The following CLEC4A variants were observed in gnomAD, a reference collection of about 807,000 sequenced individuals.
CLEC4A encodes the protein C-type (calcium dependent, carbohydrate-recognition domain) lectin, superfamily member 6.
A neutral mutation model predicts 32.7 loss-of-function variants in CLEC4A; 27 were observed. The observed-to-expected ratio is 0.83, with a 90% confidence interval of 0.61 to 1.14. The LOEUF is 1.14. Ranked by LOEUF, CLEC4A falls within the 50% of genes most tolerant of loss-of-function variation. The pLI is 0.00. For synonymous variants in CLEC4A, 89 were observed against 93.7 expected, an observed-to-expected ratio of 0.95 and a Z score of 0.29; for missense variants, 253 against 274.6, an observed-to-expected ratio of 0.92 and a Z score of 0.55.
At chr12:8,124,948 AT>A (rs1298861320) in intron 1 of CLEC4A, among the ~76,000 whole-genome samples, 4 of 152,092 alleles carry the variant, frequency 2.6e-5, no homozygotes, top group South Asian at 4.1e-4. Flanking sequence ...ATAATACTGA[AT>A]TTTTTTCCCC....
chr12:8,126,097 G>A (rs903702560), intron 2 of CLEC4A, among the ~76,000 whole-genome samples: 1 of 152,192 alleles, frequency 6.6e-6, no homozygotes, highest in South Asian at 2.1e-4. Flanking sequence ...AATATTTCAG[G>A]AAGAGTTCTC....
chr12:8,124,586 G>A (rs1053288572), intron 1 of CLEC4A, among the ~76,000 whole-genome samples: 3 of 152,148 alleles, frequency 2.0e-5, no homozygotes, highest in African/African-American at 7.2e-5. Flanking sequence ...TGATTTGGGT[G>A]TCATGTGTGA....
the CLEC4A span, among the ~76,000 whole-genome samples, chr12:8,106,934 G>A: frequency 6.6e-6 from 1 of 152,132 alleles, no homozygotes; most frequent in East Asian, 1.9e-4. Context: ...GTGAGAGTAG[G>A]TATCCGTGTC....
chr12:8,137,532 A>G (rs1006734825), intron 5 of CLEC4A, among the ~76,000 whole-genome samples: 2 of 152,246 alleles, frequency 1.3e-5, no homozygotes, highest in African/African-American at 2.4e-5. Context: ...TTAATTGCAT[A>G]AATTACATAC....
Position 8,138,456 on chromosome 12 carries a change from T to A in CLEC4A, c.*169T>A. On this transcript the variant is annotated 3_prime_UTR_variant, in exon 6 of 6. Transcript: ENST00000229332. ...GTACATTGACTGATTCACTTTTTCA[T>A]AAAGTGAGCATTTATTGAGCATTTT... is the stretch of plus-strand genomic sequence containing the variant. 1.3e-6 allele frequency: 1 copy of A among 786,632 alleles called. No individual in the cohort carries two copies. Among genetic ancestry groups the A allele is most frequent in the Non-Finnish European group, 2.0e-6 (1 of 508,750 alleles). 48.7% of individuals were successfully genotyped at this position (786,632 alleles called of 1,614,324 possible).
the CLEC4A span, among the ~76,000 whole-genome samples, chr12:8,104,429 T>C: frequency 3.9e-5 from 6 of 152,194 alleles, no homozygotes; most frequent in Admixed American, 1.3e-4. Flanking sequence ...ATCAAGCCAT[T>C]TGGGTGCTTC....
At chr12:8,128,620 A>G (rs967186844) in intron 2 of CLEC4A, among the ~76,000 whole-genome samples, 1 of 152,068 alleles carries the variant, frequency 6.6e-6, no homozygotes, top group Non-Finnish European at 1.5e-5. Context: ...CATCTTGGCC[A>G]GGCTAGTCTC....
the CLEC4A span, among the ~76,000 whole-genome samples, chr12:8,118,562 C>T: frequency 7.9e-5 from 12 of 152,264 alleles, no homozygotes; most frequent in South Asian, 2.1e-4. Context: ...GCACTTCACA[C>T]GACCAGAGCA....
intron 3 of CLEC4A, 99 bp from the exon 4 acceptor site, chr12:8,135,486 G>C: frequency 7.9e-7 from 1 of 1,271,778 alleles, no homozygotes; most frequent in Non-Finnish European, 1.1e-6. Flanking sequence ...GGGAGTTCCA[G>C]CTTCCATGTG....
the CLEC4A span, among the ~76,000 whole-genome samples, chr12:8,115,790 A>G: frequency 6.6e-6 from 1 of 151,938 alleles, no homozygotes; most frequent in Non-Finnish European, 1.5e-5. Context: ...TGTCATATAT[A>G]TATATTTAAT....
chr12:8,122,624 T>G (rs80310286), upstream of CLEC4A, among the ~76,000 whole-genome samples: 221 of 152,126 alleles, frequency 1.5e-3, no homozygotes, highest in Non-Finnish European at 2.7e-3. Flanking sequence ...TCCAGGAGAT[T>G]GATCAAATAA....
chr12:8,132,992 G>T (rs751042824), intron 3 of CLEC4A, among the ~76,000 whole-genome samples: 5 of 152,050 alleles, frequency 3.3e-5, no homozygotes, highest in African/African-American at 4.8e-5. Context: ...TCAGCTCACT[G>T]CAACCTCTGC....
chr12:8,106,131 T>G, the CLEC4A span, among the ~76,000 whole-genome samples: 1 of 152,300 alleles, frequency 6.6e-6, no homozygotes, highest in African/African-American at 2.4e-5. Flanking sequence ...CCAGCACCAT[T>G]TATTGAATAG....
intron 3 of CLEC4A, among the ~76,000 whole-genome samples, chr12:8,133,563 T>C (rs1948037990): frequency 6.6e-6 from 1 of 151,906 alleles, no homozygotes; most frequent in Non-Finnish European, 1.5e-5. Flanking sequence ...AAGTGATACA[T>C]GATGTGGGAT....
chr12:8,110,279 G>A, the CLEC4A span, among the ~76,000 whole-genome samples: 1 of 151,908 alleles, frequency 6.6e-6, no homozygotes, highest in Non-Finnish European at 1.5e-5. Flanking sequence ...CACAGGCGAG[G>A]ACACAGAGGC....
chr12:8,124,017 G>C, intron 1 of CLEC4A, 57 bp downstream of exon 1: 1 of 1,156,402 alleles, frequency 8.6e-7, no homozygotes, highest in Non-Finnish European at 1.3e-6. Context: ...TGAGGAGAGG[G>C]TTTATGAATA....
rs1012465786 is a variant in CLEC4A at position 8,138,015 on chromosome 12, A to G, written c.567-125A>G. 6.0e-6 allele frequency: 6 copies of G among 999,890 alleles called. No individual in the cohort carries two copies. In the African/African-American group the frequency reaches 6.6e-5, roughly 11 times the overall value. 61.9% of individuals were successfully genotyped at this position (999,890 alleles called of 1,614,324 possible). A position where few individuals can be genotyped will look rare whatever the true frequency, so the allele number is the denominator to read the frequency against. On this transcript the variant is annotated intron_variant, in intron 5 of 5. Coordinates refer to ENST00000229332, the MANE Select transcript of CLEC4A (RefSeq NM_016184.4). ...GAGAAGCTGCATGATGAGTAGCAGA[A>G]AGGTGGATTTGGGCATATCTGACCC... is the stretch of plus-strand genomic sequence containing the variant.
chr12:8,118,117 T>A, the CLEC4A span, among the ~76,000 whole-genome samples: 1 of 152,098 alleles, frequency 6.6e-6, no homozygotes, highest in Non-Finnish European at 1.5e-5. Flanking sequence ...GTGGTTACTT[T>A]CTTGTGAGGC....
At chr12:8,104,167 ATT>A in the CLEC4A span, among the ~76,000 whole-genome samples, 639 of 145,818 alleles carry the variant, frequency 4.4e-3, 1 homozygote, top group Non-Finnish European at 5.5e-3. Flanking sequence ...AGAAAATCTC[ATT>A]TTTTTTTTTT....
Sources: allele counts gnomAD v4.1 joint callset (sites outside exome capture counted in the v4.1 genomes callset), GRCh38; gene constraint gnomAD v4.1.1; transcripts MANE v1.5; gene names NCBI Gene and HGNC (gene_info 2026-07-23, HGNC 2026-07-21).